RNF24: variants seen among roughly 807,000 people sequenced by gnomAD.
The protein encoded by RNF24 is ring finger protein 24.
A neutral mutation model predicts 20.0 loss-of-function variants in RNF24; 14 were observed. That is an observed-to-expected ratio of 0.70 (90% CI 0.46 to 1.10). RNF24 has a LOEUF of 1.10. RNF24 is among the 50% of genes least tolerant of loss of function. The pLI is 0.00. For missense variants in RNF24, 124 were observed against 177.6 expected, an observed-to-expected ratio of 0.70 and a Z score of 1.71; for synonymous variants, 45 against 61.1, an observed-to-expected ratio of 0.74 and a Z score of 1.23.
intron 3 of RNF24, among the ~76,000 whole-genome samples, chr20:3,947,249 G>A (rs1000635360): frequency 6.6e-6 from 1 of 152,188 alleles, no homozygotes; most frequent in Non-Finnish European, 1.5e-5. Flanking sequence ...CATAACATCA[G>A]CGTCAGCAAG....
chr20:3,951,066 C>T (rs952650190), intron 2 of RNF24, among the ~76,000 whole-genome samples: 4 of 152,228 alleles, frequency 2.6e-5, no homozygotes, highest in African/African-American at 7.2e-5. Context: ...CACCATTCTC[C>T]TGCCTCAGCC....
At chr20:3,969,322 T>C (rs1248548364) in intron 1 of RNF24, among the ~76,000 whole-genome samples, 1 of 152,152 alleles carries the variant, frequency 6.6e-6, no homozygotes, top group African/African-American at 2.4e-5. Flanking sequence ...CATTTCCCTA[T>C]TTATCCAGCT....
At chr20:4,010,648 ACT>A (rs1020247836) in intron 1 of RNF24, among the ~76,000 whole-genome samples, 1 of 152,122 alleles carries the variant, frequency 6.6e-6, no homozygotes, top group African/African-American at 2.4e-5. Flanking sequence ...CTTAAAAGAA[ACT>A]CTCTCTGATG....
At position 4,001,770 on chromosome 20, in the gene RNF24, T is replaced by C. The variant is rs151262449; in HGVS notation, c.-8+13667A>G. Among the ~76,000 whole-genome samples the C allele has an allele frequency of 2.2e-3, 342 of 152,048 alleles. 3 individuals carry two copies. The highest frequency in any genetic ancestry group is 8.1e-3 in the African/African-American group (335 of 41,470). ...AGGCAAGAGAGTAAGACCTCATCTC[T>C]ATAAAACTTAAAAAAAATTAATAAA... On this transcript the variant is annotated intron_variant, in intron 1 of 5. Coordinates refer to ENST00000358395, the MANE Select transcript of RNF24 (RefSeq NM_001134337.3).
At chr20:3,961,355 T>G (rs1408185652) in intron 2 of RNF24, among the ~76,000 whole-genome samples, 1 of 150,858 alleles carries the variant, frequency 6.6e-6, no homozygotes, top group Non-Finnish European at 1.5e-5. Flanking sequence ...GAGCCTCATG[T>G]CACTGCACTC....
chr20:3,984,783 T>C (rs1600692176), intron 1 of RNF24, among the ~76,000 whole-genome samples: 2 of 152,248 alleles, frequency 1.3e-5, no homozygotes, highest in East Asian at 1.9e-4. Context: ...AGGATAACTC[T>C]TCTTTCTTTC....
chr20:3,982,135 C>CTCTCTCTCTCTCTCTCTCT (rs1555799853), intron 1 of RNF24, among the ~76,000 whole-genome samples: 1 of 149,436 alleles, frequency 6.7e-6, no homozygotes, highest in Non-Finnish European at 1.5e-5. Context: ...CTCTCTCTCT[C>CTCTCTCTCTCTCTCTCTCT]AATAAATAAA....
chr20:3,972,658 T>TCG (rs199539241), intron 1 of RNF24, among the ~76,000 whole-genome samples: 1 of 151,858 alleles, frequency 6.6e-6, no homozygotes, highest in East Asian at 1.9e-4. Flanking sequence ...CCCAGCACTG[T>TCG]GGAGGGCCGA....
At chr20:3,954,889 A>T (rs1161597537) in intron 2 of RNF24, among the ~76,000 whole-genome samples, 1 of 148,326 alleles carries the variant, frequency 6.7e-6, no homozygotes, top group Non-Finnish European at 1.5e-5. Context: ...ACAGTGCGAG[A>T]CTCCATCTCA....
intron 1 of RNF24, among the ~76,000 whole-genome samples, chr20:4,014,804 G>C (rs1381850290): frequency 1.3e-5 from 2 of 150,842 alleles, no homozygotes; most frequent in South Asian, 4.2e-4. Context: ...AACAAAGGAG[G>C]GTCCTTAATT....
rs538220033 is a variant in RNF24 at position 3,932,704 on chromosome 20, C to G, written c.*1359G>C. On this transcript the variant is annotated 3_prime_UTR_variant, in exon 6 of 6. Coordinates refer to ENST00000358395, the MANE Select transcript of RNF24 (RefSeq NM_001134337.3). ...GGATGGAGTGGAGCAAAGCAGTTGACGAGGAATTGAGGCAGGCGCTCCTAA... is the reference window on the plus strand; with the variant it reads ...GGATGGAGTGGAGCAAAGCAGTTGAGGAGGAATTGAGGCAGGCGCTCCTAA... 2 of 388,928 alleles carry G rather than the reference C, an allele frequency of 5.1e-6. No individual in the cohort carries two copies. Among genetic ancestry groups the G allele is most frequent in the Non-Finnish European group, 9.1e-6 (2 of 220,546 alleles). The allele number at this position is 388,928 out of a possible 1,614,324, so 24.1% of individuals were successfully genotyped here.
intron 4 of RNF24, among the ~76,000 whole-genome samples, chr20:3,942,611 T>G (rs1006820986): frequency 6.6e-6 from 1 of 152,082 alleles, no homozygotes; most frequent in Non-Finnish European, 1.5e-5. Context: ...TAGCTGGGAC[T>G]ACAGGCACCC....
At chr20:3,990,140 A>G (rs1377930821) in intron 1 of RNF24, among the ~76,000 whole-genome samples, 2 of 152,186 alleles carry the variant, frequency 1.3e-5, no homozygotes, top group African/African-American at 4.8e-5. Context: ...GCTGTACCTA[A>G]GGTTTAAATA....
At chr20:3,971,963 T>C (rs1460684045) in intron 1 of RNF24, among the ~76,000 whole-genome samples, 3 of 152,244 alleles carry the variant, frequency 2.0e-5, no homozygotes, top group Admixed American at 6.5e-5. Flanking sequence ...GAAAAAGATA[T>C]GTAATGCAAG....
intron 4 of RNF24, among the ~76,000 whole-genome samples, chr20:3,935,529 ACAGCTTG>A (rs2090880183): frequency 6.6e-6 from 1 of 152,236 alleles, no homozygotes; most frequent in African/African-American, 2.4e-5. Flanking sequence ...GTTTTTATGC[ACAGCTTG>A]CAGTAACATG....
intron 1 of RNF24, among the ~76,000 whole-genome samples, chr20:3,986,070 G>A (rs1354322413): frequency 6.6e-6 from 1 of 151,806 alleles, no homozygotes; most frequent in East Asian, 1.9e-4. Flanking sequence ...CTATTTTTAT[G>A]TAATGATGAA....
At chr20:4,010,679 G>A (rs1286749907) in intron 1 of RNF24, among the ~76,000 whole-genome samples, 2 of 152,140 alleles carry the variant, frequency 1.3e-5, no homozygotes, top group Admixed American at 6.5e-5. Context: ...TATTTTCATT[G>A]TTGATTTCAT....
chr20:3,950,219 T>C (rs2091065948), intron 2 of RNF24, among the ~76,000 whole-genome samples: 1 of 152,222 alleles, frequency 6.6e-6, no homozygotes, highest in Admixed American at 6.5e-5. Flanking sequence ...GAATATAACC[T>C]TATTTGAAAA....
At chr20:3,938,364 T>C (rs1286348598) in intron 4 of RNF24, among the ~76,000 whole-genome samples, 1 of 152,206 alleles carries the variant, frequency 6.6e-6, no homozygotes, top group Admixed American at 6.5e-5. Flanking sequence ...AGCATTTCAA[T>C]GGCAGAAGGA....
Sources: gnomAD v4.1 joint callset for allele counts (sites outside exome capture counted in the v4.1 genomes callset) on GRCh38, gnomAD v4.1.1 for gene constraint, MANE v1.5 for transcripts, NCBI Gene and HGNC (gene_info 2026-07-23, HGNC 2026-07-21) for gene names.